Variants in GRIP1 observed in about 807,000 individuals in gnomAD.
GRIP1 encodes the protein glutamate receptor interacting protein 1.
In GRIP1, 45 loss-of-function variants were observed where a neutral mutation model predicts 129.9. The ratio of observed to expected loss-of-function variants is 0.35; its 90% CI spans 0.27 to 0.44. The LOEUF is 0.44. Ranked by LOEUF, GRIP1 falls within the 20% of genes least tolerant of loss-of-function variation. The probability of loss-of-function intolerance (pLI) is 1.00; values close to 1 mark genes in which losing one functional copy is unlikely to be tolerated. For missense variants in GRIP1, 1,196 were observed against 1,396.8 expected (o/e 0.86, Z 2.29); for synonymous variants, 530 against 520.8 (o/e 1.02, Z -0.24).
chr12:66,402,415 G>A (rs1369874297), intron 16 of GRIP1, among the ~76,000 whole-genome samples: 1 of 152,126 alleles, frequency 6.6e-6, no homozygotes, highest in African/African-American at 2.4e-5. Flanking sequence ...GAAAATCGAG[G>A]GCTTTAGCAG....
chr12:66,642,113 T>C (rs766973661), intron 1 of GRIP1, among the ~76,000 whole-genome samples: 58 of 152,074 alleles, frequency 3.8e-4, no homozygotes, highest in Admixed American at 1.2e-3. Context: ...TCTTACAATA[T>C]AGTGTTAAAT....
At position 66,955,712 on chromosome 12, in the gene GRIP1, G is replaced by A. The variant is rs2041830440; in HGVS notation, c.58+113338C>T. Among the ~76,000 whole-genome samples, 4 of 151,820 alleles carry A rather than the reference G, an allele frequency of 2.6e-5. No homozygotes were observed. The South Asian group carries it at 8.3e-4, about 32-fold the overall frequency. The stretch of plus-strand genomic sequence containing the variant: ...AGTAGAGACAGGGTTCCTCCATGTT[G>A]GCCAGGTTGGTCTTGAACTCCTGAC... On this transcript the variant is annotated intron_variant, in intron 1 of 1. Transcript: ENST00000643019.
At chr12:66,866,137 TAACAAATTAGAGAAAC>T (rs2040201377) in intron 1 of GRIP1, among the ~76,000 whole-genome samples, 1 of 152,092 alleles carries the variant, frequency 6.6e-6, no homozygotes, top group South Asian at 2.1e-4. Flanking sequence ...GAAAAGCCTA[TAACAAATTAGAGAAAC>T]ACCTACTCTT....
chr12:67,035,826 C>T (rs2043086170), intron 1 of GRIP1, among the ~76,000 whole-genome samples: 1 of 152,138 alleles, frequency 6.6e-6, no homozygotes, highest in Non-Finnish European at 1.5e-5. Flanking sequence ...CATCATTTAT[C>T]TCATCCTGAC....
At chr12:66,855,447 T>A (rs1247953796) in intron 1 of GRIP1, among the ~76,000 whole-genome samples, 1 of 152,022 alleles carries the variant, frequency 6.6e-6, no homozygotes, top group African/African-American at 2.4e-5. Flanking sequence ...AAGTACACTT[T>A]CACGGAGTGT....
At chr12:66,439,516 AGTAGT>A (rs3047974) in intron 13 of GRIP1, among the ~76,000 whole-genome samples, 81 of 151,924 alleles carry the variant, frequency 5.3e-4, no homozygotes, top group African/African-American at 1.8e-3. Flanking sequence ...TTTCAAACAC[AGTAGT>A]GTAGTGTAGT....
At chr12:66,560,391 A>T (rs2062481305) in intron 2 of GRIP1, among the ~76,000 whole-genome samples, 2 of 152,160 alleles carry the variant, frequency 1.3e-5, no homozygotes, top group South Asian at 4.1e-4. Context: ...CAACCCACAG[A>T]ATGGGAGAAA....
chr12:67,068,979 G>A (rs2043687396), intron 1 of GRIP1: 1 of 714,824 alleles, frequency 1.4e-6, no homozygotes, highest in Non-Finnish European at 1.7e-6. Context: ...AGGGAGCCGG[G>A]GAGAGGGAGG....
intron 1 of GRIP1, among the ~76,000 whole-genome samples, chr12:66,624,999 TC>T (rs2029871682): frequency 7.8e-6 from 1 of 127,536 alleles, no homozygotes; most frequent in South Asian, 2.3e-4. Flanking sequence ...GTATTTCAGT[TC>T]CTTTTTTTTT....
intron 2 of GRIP1, among the ~76,000 whole-genome samples, chr12:66,590,041 CT>C (rs2063797324): frequency 6.6e-6 from 1 of 151,882 alleles, no homozygotes. Flanking sequence ...AGACTTTTTC[CT>C]TATAGCTCTT....
intron 1 of GRIP1, among the ~76,000 whole-genome samples, chr12:67,037,931 T>G (rs2043123104): frequency 6.6e-6 from 1 of 152,214 alleles, no homozygotes. Flanking sequence ...AGGGCGTGTG[T>G]GATTAATAGG....
chr12:66,959,466 T>C (rs75338918), intron 1 of GRIP1, among the ~76,000 whole-genome samples: 3,981 of 152,278 alleles, frequency 0.026, 173 homozygotes, highest in African/African-American at 0.09. Context: ...TTAAAACTTA[T>C]ATTTTATGAC....
At chr12:66,712,763 G>C (rs2035751544) in intron 1 of GRIP1, among the ~76,000 whole-genome samples, 1 of 151,922 alleles carries the variant, frequency 6.6e-6, no homozygotes, top group Non-Finnish European at 1.5e-5. Context: ...CTTATAAACT[G>C]TTAGGATTAA....
intron 1 of GRIP1, among the ~76,000 whole-genome samples, chr12:66,597,975 T>C (rs1422619197): frequency 6.6e-6 from 1 of 152,212 alleles, no homozygotes; most frequent in Non-Finnish European, 1.5e-5. Flanking sequence ...TTATCTAGCA[T>C]ATTCAGTCAA....
chr12:67,026,375 A>G (rs531357608), intron 1 of GRIP1, among the ~76,000 whole-genome samples: 6 of 152,230 alleles, frequency 3.9e-5, no homozygotes, highest in African/African-American at 1.2e-4. Context: ...CTTGTTTTCT[A>G]CTTCCTTACT....
chr12:66,360,964 T>C (rs2054729564), intron 23 of GRIP1, among the ~76,000 whole-genome samples: 1 of 152,214 alleles, frequency 6.6e-6, no homozygotes, highest in African/African-American at 2.4e-5. Flanking sequence ...AGAAACAGTT[T>C]TCCCATAAAT....
At chr12:66,878,959 A>G (rs2040427959) in intron 1 of GRIP1, among the ~76,000 whole-genome samples, 1 of 151,950 alleles carries the variant, frequency 6.6e-6, no homozygotes, top group Admixed American at 6.6e-5. Context: ...AAACAGAGAC[A>G]ATATGGACAC....
chr12:66,835,886 T>A (rs529305619), intron 1 of GRIP1, among the ~76,000 whole-genome samples: 2 of 152,190 alleles, frequency 1.3e-5, no homozygotes, highest in South Asian at 2.1e-4. Flanking sequence ...ATGTCAACTA[T>A]CAATTTAGGT....
intron 1 of GRIP1, chr12:67,037,236 G>A (rs965357406): frequency 2.0e-5 from 3 of 151,926 alleles, no homozygotes; most frequent in Admixed American, 1.3e-4. Context: ...GCTGAGGCAG[G>A]AGAATGGCGT....
Sources: allele counts gnomAD v4.1 joint callset (sites outside exome capture counted in the v4.1 genomes callset), GRCh38; gene constraint gnomAD v4.1.1; transcripts MANE v1.5; gene names NCBI Gene and HGNC (gene_info 2026-07-23, HGNC 2026-07-21).